Variants in IQSEC1 observed in about 807,000 individuals in gnomAD.
IQSEC1 encodes the protein IQ motif and SEC7 domain-containing protein 1.
IQSEC1 carries 31 observed loss-of-function variants against 91.0 expected under a neutral mutation model. The observed-to-expected ratio is 0.34, with a 90% confidence interval of 0.26 to 0.46. The LOEUF is 0.46. Among genes scored for constraint, IQSEC1 ranks in the 20% least tolerant of loss-of-function variants. The pLI, the probability that IQSEC1 is intolerant of heterozygous loss-of-function variation, is 1.00. For synonymous variants in IQSEC1, 699 were observed against 662.6 expected, an observed-to-expected ratio of 1.05 and a Z score of -0.84; for missense variants, 1,388 against 1,575.6, an observed-to-expected ratio of 0.88 and a Z score of 2.02.
rs190977750 is a variant in IQSEC1 at position 13,060,386 on chromosome 3, C to T, written c.23+12606G>A. ...GAGTCCTGCAGTGAACAGGCTCCTG[C>T]GGTGGGGCCCGGGACCTTACGGCTG... On this transcript the variant is annotated intron_variant, in intron 1 of 13. Coordinates refer to ENST00000613206, the MANE Select transcript of IQSEC1 (RefSeq NM_001134382.3). Among the ~76,000 whole-genome samples the T allele has an allele frequency of 1.1e-4, 16 of 147,458 alleles. No individual in the cohort carries two copies. The East Asian group carries it at 3.0e-3, about 28-fold the overall frequency.
chr3:13,170,010 A>C (rs1220314726), intron 1 of IQSEC1, among the ~76,000 whole-genome samples: 1 of 152,218 alleles, frequency 6.6e-6, no homozygotes, highest in Non-Finnish European at 1.5e-5. Flanking sequence ...AATAGGGAAA[A>C]TGTCTCCAGG....
Position 12,935,617 on chromosome 3 carries a change from CGTTGGA to C in IQSEC1, c.1393_1398del (p.Ser465_Asn466del). The C allele has an allele frequency of 6.2e-7, 1 of 1,614,116 alleles. No individual in the cohort carries two copies. On this transcript the variant is annotated inframe_deletion, in exon 3 of 14. Coordinates refer to ENST00000613206, the MANE Select transcript of IQSEC1 (RefSeq NM_001134382.3). The surrounding 1 kb of genome is among the most constrained non-coding windows in gnomAD (Gnocchi z 8.0). ...GACTCGGAGCTGCAGTTGATGGTAT[CGTTGGA>C]GTTGGACGTGCTGTTGATGCTGTCA...
rs869121044 is a variant in IQSEC1, at chr3:13,026,869, TTTTTTTTTTGTTTG to T, written c.23+46109_23+46122del. Among the ~76,000 whole-genome samples the T allele has an allele frequency of 2.3e-3, 105 of 46,572 alleles. 2 individuals carry two copies. The highest frequency in any genetic ancestry group is 0.019 in the East Asian group (26 of 1,358). The allele number at this position is 46,572 out of a possible 152,430, so 30.6% of individuals were successfully genotyped here. ...TAGCAGTTATTATCTCCCCAGTTTT[TTTTTTTTTTGTTTG>T]TTTTTTTTTTTACCAATTAATAAAC... On this transcript the variant is annotated intron_variant, in intron 1 of 13. Coordinates refer to ENST00000613206, the MANE Select transcript of IQSEC1 (RefSeq NM_001134382.3).
chr3:13,020,333 C>T (rs1703342174), intron 1 of IQSEC1, among the ~76,000 whole-genome samples: 1 of 152,206 alleles, frequency 6.6e-6, no homozygotes, highest in African/African-American at 2.4e-5. Context: ...CACAGCCAGC[C>T]GGCATCCTCA....
intron 1 of IQSEC1, among the ~76,000 whole-genome samples, chr3:13,043,934 C>T (rs1447695946): frequency 1.3e-5 from 2 of 152,240 alleles, no homozygotes; most frequent in Non-Finnish European, 2.9e-5. Context: ...ACAGAGAAGA[C>T]CCCATCCCCA....
chr3:12,899,638 G>A lies in IQSEC1; in HGVS notation c.*1345C>T, dbSNP rs1387236867. 4.1e-6 allele frequency: 4 copies of A among 985,338 alleles called. No individual in the cohort carries two copies. Among genetic ancestry groups the A allele is most frequent in the Non-Finnish European group, 4.8e-6 (4 of 829,946 alleles). 61.0% of individuals were successfully genotyped at this position (985,338 alleles called of 1,614,324 possible). A position where few individuals can be genotyped will look rare whatever the true frequency, so the allele number is the denominator to read the frequency against. On this transcript the variant is annotated 3_prime_UTR_variant, in exon 14 of 14. Coordinates refer to ENST00000613206, the MANE Select transcript of IQSEC1 (RefSeq NM_001134382.3). ...CGGCTGGGGTCACACGGGCCACGGT[G>A]AGGACACAGGGGTTCTGCTAGCACA...
chr3:12,936,913 C>G (rs1049273301), intron 2 of IQSEC1, among the ~76,000 whole-genome samples: 2 of 151,862 alleles, frequency 1.3e-5, no homozygotes, highest in African/African-American at 4.8e-5. Context: ...TGAGTGCAAC[C>G]ATGTTTTTCC....
intron 2 of IQSEC1, among the ~76,000 whole-genome samples, chr3:13,156,561 G>T (rs1707088747): frequency 6.6e-6 from 1 of 152,214 alleles, no homozygotes; most frequent in Admixed American, 6.5e-5. Flanking sequence ...CCTTCCAGAG[G>T]TGCTCCCCTT....
intron 1 of IQSEC1, among the ~76,000 whole-genome samples, chr3:12,944,908 A>G (rs1699076339): frequency 6.6e-6 from 1 of 152,122 alleles, no homozygotes; most frequent in South Asian, 2.1e-4. Context: ...TGGAGGAGCA[A>G]TGTTCACCTC....
At chr3:12,959,209 G>A (rs1296135867) in intron 1 of IQSEC1, among the ~76,000 whole-genome samples, 3 of 152,206 alleles carry the variant, frequency 2.0e-5, no homozygotes, top group Non-Finnish European at 4.4e-5. Flanking sequence ...GACCCCCAGT[G>A]CTGAATGGCC....
chr3:13,092,264 T>G (rs1705875465), intron 2 of IQSEC1, among the ~76,000 whole-genome samples: 2 of 152,122 alleles, frequency 1.3e-5, no homozygotes, highest in Non-Finnish European at 2.9e-5. Flanking sequence ...TTCCATAAAG[T>G]GCTCAGGGAA....
chr3:13,054,419 C>T (rs1457349430), intron 1 of IQSEC1, among the ~76,000 whole-genome samples: 1 of 152,240 alleles, frequency 6.6e-6, no homozygotes. Context: ...CACCCTTCTA[C>T]CCTGTCCCCC....
rs571642621 is a variant in IQSEC1, at chr3:13,110,514, G to A, written c.302+53590C>T. On this transcript the variant is annotated intron_variant, in intron 2 of 15. Coordinates refer to the IQSEC1 transcript ENST00000648114. Reference sequence around the variant, plus strand: ...TGAGGCAGGAGAATCGTTTGAACCCGGGAGGCCGAGGTTGCAGCGAGCCGA... The same window carrying A: ...TGAGGCAGGAGAATCGTTTGAACCCAGGAGGCCGAGGTTGCAGCGAGCCGA... 6.6e-5 allele frequency among the ~76,000 whole-genome samples: 10 copies of A among 152,224 alleles called. No individual in the cohort carries two copies. In the South Asian group the frequency reaches 8.3e-4, roughly 13 times the overall value.
At chr3:13,031,383 C>A (rs373165728) in intron 1 of IQSEC1, among the ~76,000 whole-genome samples, 1 of 152,218 alleles carries the variant, frequency 6.6e-6, no homozygotes, top group African/African-American at 2.4e-5. Context: ...CTGGGGGACT[C>A]GGCCTCTGCA....
chr3:12,990,651 C>A (rs557462825), intron 1 of IQSEC1, among the ~76,000 whole-genome samples: 1 of 152,256 alleles, frequency 6.6e-6, no homozygotes, highest in Non-Finnish European at 1.5e-5. Context: ...GAAGCCCTTC[C>A]CAGAGGAATG....
intron 1 of IQSEC1, among the ~76,000 whole-genome samples, chr3:13,261,269 G>A (rs1007463550): frequency 1.3e-5 from 2 of 152,140 alleles, no homozygotes; most frequent in African/African-American, 4.8e-5. Flanking sequence ...TCCCCCAGGG[G>A]CCACACACAA....
intron 1 of IQSEC1, chr3:13,021,946 C>A (rs1319956308): frequency 1.2e-5 from 11 of 920,902 alleles, no homozygotes; most frequent in Non-Finnish European, 1.4e-5. Flanking sequence ...TCCATCCCAG[C>A]TCCTTCCTGG....
intron 1 of IQSEC1, among the ~76,000 whole-genome samples, chr3:13,244,878 A>AG (rs1166872811): frequency 2.6e-5 from 4 of 152,150 alleles, no homozygotes; most frequent in African/African-American, 9.7e-5. Flanking sequence ...CTGCTCAGGA[A>AG]GGGGGGTCAT....
Position 12,967,257 on chromosome 3 carries a change from C to T in IQSEC1, c.24-25392G>A, listed in dbSNP as rs1425184564. 1 of 724,528 alleles carries T rather than the reference C, an allele frequency of 1.4e-6. No homozygotes were observed. 44.9% of individuals were successfully genotyped at this position (724,528 alleles called of 1,614,324 possible). A position where few individuals can be genotyped will look rare whatever the true frequency, so the allele number is the denominator to read the frequency against. Reference sequence around the variant, plus strand: ...TGGCGGACGCACCCCGCCCCGCAGGCAGCTTTCTCTCGCACGCCGGGCGCC... The same window carrying T: ...TGGCGGACGCACCCCGCCCCGCAGGTAGCTTTCTCTCGCACGCCGGGCGCC... On this transcript the variant is annotated intron_variant, in intron 1 of 13. Transcript: ENST00000613206. This position sits in a 1 kb window ranked among gnomAD's most constrained non-coding sequence, Gnocchi z 5.9.
Sources: gnomAD v4.1 joint callset for allele counts (sites outside exome capture counted in the v4.1 genomes callset) on GRCh38, gnomAD v4.1.1 for gene constraint, Gnocchi (gnomAD v3.1) non-coding constraint, MANE v1.5 for transcripts, NCBI Gene and HGNC (gene_info 2026-07-23, HGNC 2026-07-21) for gene names.